The following IGFL2 variants were observed in gnomAD, a reference collection of about 807,000 sequenced individuals.
IGFL2 encodes insulin growth factor-like family member 2.
IGFL2 carries 7 observed loss-of-function variants against 13.9 expected under a neutral mutation model. That is an observed-to-expected ratio of 0.51 (90% CI 0.29 to 0.95). IGFL2 has a LOEUF of 0.95. Among genes scored for constraint, IGFL2 ranks in the 40% least tolerant of loss-of-function variants. The probability of loss-of-function intolerance (pLI) is 0.08; values close to 1 mark genes in which losing one functional copy is unlikely to be tolerated. For missense variants in IGFL2, 138 were observed against 147.8 expected (o/e 0.93, Z 0.34); for synonymous variants, 55 against 55.8 (o/e 0.99, Z 0.07).
chr19:46,160,909 T>C, intron 3 of IGFL2, 28 bp downstream of exon 3: 1 of 1,610,256 alleles, frequency 6.2e-7, no homozygotes, highest in Non-Finnish European at 8.5e-7. Context: ...GGCCAGGGGG[T>C]CGGGGGAAGG....
the IGFL2 span, among the ~76,000 whole-genome samples, chr19:46,107,065 G>C: frequency 1.4e-4 from 21 of 152,274 alleles, no homozygotes; most frequent in African/African-American, 4.6e-4. Context: ...CTAAAAAGGA[G>C]TGGATAAAAG....
At chr19:46,193,137 A>T in the IGFL2 span, among the ~76,000 whole-genome samples, 6 of 152,184 alleles carry the variant, frequency 3.9e-5, no homozygotes, top group Non-Finnish European at 7.4e-5. Flanking sequence ...AGTTGCAGTG[A>T]GCCAAGATCG....
chr19:46,140,289 A>ATG (rs1282922788), upstream of IGFL2, among the ~76,000 whole-genome samples: 5 of 151,944 alleles, frequency 3.3e-5, no homozygotes, highest in African/African-American at 1.2e-4. Flanking sequence ...TAGAACTTAC[A>ATG]TGTTTTTCAA....
chr19:46,119,738 T>G, the IGFL2 span, among the ~76,000 whole-genome samples: 1 of 143,010 alleles, frequency 7.0e-6, no homozygotes. Flanking sequence ...ACAAGACTTG[T>G]GACAGAGGTG....
At chr19:46,165,069 G>A (rs1032429386), downstream of IGFL2, among the ~76,000 whole-genome samples, 1 of 152,190 alleles carries the variant, frequency 6.6e-6, no homozygotes, top group Admixed American at 6.5e-5. Flanking sequence ...TTAGGCCCTT[G>A]TACTGCTTAG....
intron 1 of IGFL2, chr19:46,148,817 T>C: frequency 6.8e-7 from 1 of 1,467,804 alleles, no homozygotes; most frequent in Non-Finnish European, 9.0e-7. Flanking sequence ...CAGCTCTGAC[T>C]CTTCCAGATA....
upstream of IGFL2, among the ~76,000 whole-genome samples, chr19:46,143,966 G>C (rs1366228953): frequency 6.6e-6 from 1 of 152,218 alleles, no homozygotes; most frequent in South Asian, 2.1e-4. Flanking sequence ...GATTCTTCCA[G>C]TAACCTGTGG....
chr19:46,106,157 A>G, the IGFL2 span, among the ~76,000 whole-genome samples: 1 of 152,142 alleles, frequency 6.6e-6, no homozygotes, highest in Non-Finnish European at 1.5e-5. Flanking sequence ...ATCAGCAGGG[A>G]GAGCACGTGT....
At chr19:46,096,941 C>T in the IGFL2 span, among the ~76,000 whole-genome samples, 48 of 152,232 alleles carry the variant, frequency 3.2e-4, no homozygotes, top group East Asian at 8.9e-3. Flanking sequence ...AGGATTTTTG[C>T]GTTGGTATTC....
At chr19:46,129,216 C>T in the IGFL2 span, among the ~76,000 whole-genome samples, 39 of 151,090 alleles carry the variant, frequency 2.6e-4, no homozygotes, top group East Asian at 3.1e-3. Flanking sequence ...GGTATTTATT[C>T]GGATCTTCCC....
the IGFL2 span, among the ~76,000 whole-genome samples, chr19:46,080,907 T>A: frequency 6.6e-6 from 1 of 152,244 alleles, no homozygotes; most frequent in African/African-American, 2.4e-5. Flanking sequence ...GTCCATCACT[T>A]CCTGTCCAGG....
chr19:46,113,486 A>G, the IGFL2 span: 1 of 367,010 alleles, frequency 2.7e-6, no homozygotes, highest in South Asian at 2.2e-5. Context: ...GCATTGTGGA[A>G]GCCATAAAGG....
At chr19:46,099,615 G>T in the IGFL2 span, among the ~76,000 whole-genome samples, 1 of 150,254 alleles carries the variant, frequency 6.7e-6, no homozygotes, top group Non-Finnish European at 1.5e-5. Context: ...TGCAACCTCT[G>T]CCCCCCGAGT....
At chr19:46,142,397 T>A (rs370163023), upstream of IGFL2, among the ~76,000 whole-genome samples, 10 of 152,332 alleles carry the variant, frequency 6.6e-5, no homozygotes, top group African/African-American at 2.4e-4. Flanking sequence ...TAGCAGTCTA[T>A]CCAGGGTTTC....
At chr19:46,119,170 G>A in the IGFL2 span, among the ~76,000 whole-genome samples, 3 of 152,130 alleles carry the variant, frequency 2.0e-5, no homozygotes, top group Non-Finnish European at 4.4e-5. Flanking sequence ...GGTAGACTAA[G>A]CTCTCTTACC....
At chr19:46,176,218 A>G in the IGFL2 span, among the ~76,000 whole-genome samples, 1 of 151,558 alleles carries the variant, frequency 6.6e-6, no homozygotes, top group Non-Finnish European at 1.5e-5. Context: ...CTGGAGAAGG[A>G]TCCAATTGGA....
the IGFL2 span, among the ~76,000 whole-genome samples, chr19:46,114,025 A>C: frequency 1.3e-5 from 2 of 152,182 alleles, no homozygotes; most frequent in Non-Finnish European, 2.9e-5. Context: ...TTTCTACAAT[A>C]AACAGCCCAG....
chr19:46,212,670 C>G, the IGFL2 span: 1 of 152,038 alleles, frequency 6.6e-6, no homozygotes, highest in Admixed American at 6.6e-5. Flanking sequence ...ACACCAAACA[C>G]AAGAACGACA....
the IGFL2 span, among the ~76,000 whole-genome samples, chr19:46,108,829 G>A: frequency 1.3e-5 from 2 of 152,232 alleles, no homozygotes; most frequent in Admixed American, 6.5e-5. Flanking sequence ...GATAAAACAC[G>A]TCTCTTCTGT....
Sources: gnomAD v4.1 joint callset for allele counts (sites outside exome capture counted in the v4.1 genomes callset) on GRCh38, gnomAD v4.1.1 for gene constraint, MANE v1.5 for transcripts, NCBI Gene and HGNC (gene_info 2026-07-23, HGNC 2026-07-21) for gene names.